Variants in GALNT18 observed in about 807,000 individuals in gnomAD.
GALNT18 encodes the protein polypeptide N-acetylgalactosaminyltransferase 18.
In GALNT18, 44 loss-of-function variants were observed where a neutral mutation model predicts 69.5. The observed-to-expected ratio is 0.63, with a 90% CI of 0.50 to 0.81. The LOEUF is 0.81. Ranked by LOEUF, GALNT18 falls within the 40% of genes least tolerant of loss-of-function variation. The pLI, the probability that GALNT18 is intolerant of heterozygous loss-of-function variation, is 0.00. For synonymous variants in GALNT18, 364 were observed against 318.2 expected, an observed-to-expected ratio of 1.14 and a Z score of -1.53; for missense variants, 715 against 810.0, an observed-to-expected ratio of 0.88 and a Z score of 1.42.
chr11:11,459,459 A>T lies in GALNT18; in HGVS notation c.236-10523T>A, dbSNP rs76333742. ...TGAACAGTGTTGCAGGGAAGAAGAGAGGCTTCTTCAGGGTGCCTCAGCCCA... is the reference window on the plus strand; with the variant it reads ...TGAACAGTGTTGCAGGGAAGAAGAGTGGCTTCTTCAGGGTGCCTCAGCCCA... On this transcript the variant is annotated intron_variant, in intron 1 of 10. Coordinates refer to ENST00000227756, the MANE Select transcript of GALNT18 (RefSeq NM_198516.3). This position sits in a 1 kb window ranked among gnomAD's most constrained non-coding sequence, Gnocchi z 5.0. Among the ~76,000 whole-genome samples, 3,404 of 152,232 alleles carry T rather than the reference A, an allele frequency of 0.022. 112 individuals are homozygous for T. Among genetic ancestry groups the T allele is most frequent in the African/African-American group, 0.077 (3,191 of 41,536 alleles).
intron 4 of GALNT18, among the ~76,000 whole-genome samples, chr11:11,378,276 C>T (rs79608936): frequency 0.085 from 12,907 of 152,256 alleles, 682 homozygotes; most frequent in Middle Eastern, 0.22. Flanking sequence ...CACAGGTTGG[C>T]ACTGTGGAGT....
intron 10 of GALNT18, among the ~76,000 whole-genome samples, chr11:11,279,987 G>A (rs965977895): frequency 6.6e-6 from 1 of 152,158 alleles, no homozygotes; most frequent in African/African-American, 2.4e-5. Context: ...CAGGGGGTGC[G>A]GGTGGAGGGG....
At chr11:11,607,715 G>A (rs1231545247) in intron 1 of GALNT18, among the ~76,000 whole-genome samples, 2 of 152,156 alleles carry the variant, frequency 1.3e-5, no homozygotes, top group African/African-American at 4.8e-5. Context: ...CAGGAAGATA[G>A]GCTGATGTGG....
rs1360324155 is a variant in GALNT18, at chr11:11,573,559, T to G, written c.235+47800A>C. On this transcript the variant is annotated intron_variant, in intron 1 of 10. Transcript: ENST00000227756. This position sits in a 1 kb window ranked among gnomAD's most constrained non-coding sequence, Gnocchi z 4.6. ...CTGATGCCCAGCAAAGGGGAAAGGA[T>G]AGCAGGAGCCTTGATCCACCCAGGA... 6.6e-6 allele frequency: 1 copy of G among 152,190 alleles called. No homozygotes were observed. The highest frequency in any genetic ancestry group is 1.9e-4 in the East Asian group (1 of 5,188). The allele number at this position is 152,190 out of a possible 1,614,324, so 9.4% of individuals were successfully genotyped here. A position where few individuals can be genotyped will look rare whatever the true frequency, so the allele number is the denominator to read the frequency against.
At position 11,413,583 on chromosome 11, in the gene GALNT18, AG is replaced by A. The variant is rs1280987617; in HGVS notation, c.595+19037del. ...CCAGAACAATTGAAGTAACTCACTGAGGTGTCAGCTTATATCAGAGCCACTC... is the reference window on the plus strand; with the variant it reads ...CCAGAACAATTGAAGTAACTCACTGAGTGTCAGCTTATATCAGAGCCACTC... On this transcript the variant is annotated intron_variant, in intron 3 of 10. Transcript: ENST00000227756. The surrounding 1 kb of genome is among the most constrained non-coding windows in gnomAD (Gnocchi z 4.7). 6.6e-6 allele frequency among the ~76,000 whole-genome samples: 1 copy of A among 152,140 alleles called. No homozygotes were observed. The highest frequency in any genetic ancestry group is 1.5e-5 in the Non-Finnish European group (1 of 68,018).
At chr11:11,280,628 G>C (rs1461827702) in intron 10 of GALNT18, among the ~76,000 whole-genome samples, 1 of 152,174 alleles carries the variant, frequency 6.6e-6, no homozygotes, top group African/African-American at 2.4e-5. Context: ...CCCAGTTCCT[G>C]GTGGGACAAT....
intron 3 of GALNT18, among the ~76,000 whole-genome samples, chr11:11,409,506 C>T (rs1020998865): frequency 6.6e-6 from 1 of 152,124 alleles, no homozygotes; most frequent in Non-Finnish European, 1.5e-5. Flanking sequence ...CCTTCCTGTG[C>T]TCAGCCAGGT....
intron 9 of GALNT18, among the ~76,000 whole-genome samples, chr11:11,294,720 G>A (rs368368641): frequency 9.9e-5 from 15 of 152,184 alleles, no homozygotes; most frequent in African/African-American, 2.6e-4. Flanking sequence ...GGAAAGCCAC[G>A]TGACTCTTGG....
In GALNT18 at chr11:11,596,378, T is replaced by C. The variant is rs1859502033; in HGVS notation, c.235+24981A>G. Among the ~76,000 whole-genome samples, 1 of 152,172 alleles carries C rather than the reference T, an allele frequency of 6.6e-6. No homozygotes were observed. The highest frequency in any genetic ancestry group is 2.1e-4 in the South Asian group (1 of 4,836). On this transcript the variant is annotated intron_variant, in intron 1 of 10. Transcript: ENST00000227756. This position sits in a 1 kb window ranked among gnomAD's most constrained non-coding sequence, Gnocchi z 4.2. ...ATTTGGCTAGCCTGTATACCTTAAA[T>C]TTCCATCAGAATTTTAAGATAAGCC...
At chr11:11,333,062 T>C (rs1850047616) in intron 7 of GALNT18, among the ~76,000 whole-genome samples, 1 of 148,652 alleles carries the variant, frequency 6.7e-6, no homozygotes, top group Non-Finnish European at 1.5e-5. Context: ...TCAAGGGCCA[T>C]TGAAAAAAAA....
chr11:11,379,337 T>A, intron 3 of GALNT18, 73 bp from the exon 4 acceptor site: 1 of 1,415,336 alleles, frequency 7.1e-7, no homozygotes, highest in Non-Finnish European at 9.7e-7. Flanking sequence ...CAACAGTCAC[T>A]CTTTTAGTGA....
At chr11:11,544,425 A>C (rs140017475) in intron 1 of GALNT18, among the ~76,000 whole-genome samples, 280 of 152,324 alleles carry the variant, frequency 1.8e-3, no homozygotes, top group African/African-American at 6.5e-3. Context: ...AAGTCATATA[A>C]TTTGTTTATT....
intron 1 of GALNT18, among the ~76,000 whole-genome samples, chr11:11,529,011 C>T (rs1452813611): frequency 6.6e-6 from 1 of 152,130 alleles, no homozygotes; most frequent in Non-Finnish European, 1.5e-5. Flanking sequence ...GGCCAAGACA[C>T]CTTGCTAGCT....
intron 1 of GALNT18, among the ~76,000 whole-genome samples, chr11:11,585,124 T>C (rs1321345399): frequency 6.6e-6 from 1 of 152,184 alleles, no homozygotes; most frequent in East Asian, 1.9e-4. Flanking sequence ...TGTATAATAT[T>C]ACAAAATCAT....
At chr11:11,316,142 C>A (rs1849749004) in intron 9 of GALNT18, among the ~76,000 whole-genome samples, 1 of 152,150 alleles carries the variant, frequency 6.6e-6, no homozygotes, top group South Asian at 2.1e-4. Context: ...GGTTGGGGTT[C>A]CCCAATACCA....
chr11:11,474,879 TGA>T (rs1856355087), intron 1 of GALNT18, among the ~76,000 whole-genome samples: 1 of 152,196 alleles, frequency 6.6e-6, no homozygotes, highest in South Asian at 2.1e-4. Context: ...CTAGAGGACA[TGA>T]GAGACAGTGT....
chr11:11,512,919 G>A (rs1393837454), intron 1 of GALNT18, among the ~76,000 whole-genome samples: 1 of 152,224 alleles, frequency 6.6e-6, no homozygotes, highest in Non-Finnish European at 1.5e-5. Context: ...ATCTGTGTGT[G>A]TGTCTGTGTG....
chr11:11,277,504 G>A (rs1369298140), intron 10 of GALNT18, among the ~76,000 whole-genome samples: 1 of 152,118 alleles, frequency 6.6e-6, no homozygotes, highest in Non-Finnish European at 1.5e-5. Flanking sequence ...ATCTCCTTCA[G>A]TTCTGCTCTG....
chr11:11,271,378 C>A, intron 10 of GALNT18, 88 bp from the exon 11 acceptor site: 1 of 1,357,814 alleles, frequency 7.4e-7, no homozygotes. Flanking sequence ...CTGGTGAGGG[C>A]TGACATTATC....
Sources: allele counts gnomAD v4.1 joint callset (sites outside exome capture counted in the v4.1 genomes callset), GRCh38; gene constraint gnomAD v4.1.1; non-coding constraint Gnocchi (gnomAD v3.1); transcripts MANE v1.5; gene names NCBI Gene and HGNC (gene_info 2026-07-23, HGNC 2026-07-21).